LEPR: variants seen among roughly 807,000 people sequenced by gnomAD.
LEPR encodes the protein leptin receptor.
In LEPR, 56 loss-of-function variants were observed where a neutral mutation model predicts 114.7. That is an observed-to-expected ratio of 0.49 (90% CI 0.39 to 0.61). The LOEUF is 0.61. Among genes scored for constraint, LEPR ranks in the 20% least tolerant of loss-of-function variants. The pLI, the probability that LEPR is intolerant of heterozygous loss-of-function variation, is 0.00. For missense variants in LEPR, 1,202 were observed against 1,352.9 expected, an observed-to-expected ratio of 0.89 and a Z score of 1.75; for synonymous variants, 443 against 461.4, an observed-to-expected ratio of 0.96 and a Z score of 0.51.
rs556832881 is a variant in LEPR at position 65,421,304 on chromosome 1, G to A, written c.-97+564G>A. The A allele has an allele frequency of 2.9e-5, 43 of 1,507,850 alleles. No individual in the cohort carries two copies. The Middle Eastern group carries it at 5.1e-4, about 18-fold the overall frequency. The allele number at this position is 1,507,850 out of a possible 1,614,324, so 93.4% of individuals were successfully genotyped here. On this transcript the variant is annotated intron_variant, in intron 1 of 19. Coordinates refer to ENST00000349533, the MANE Select transcript of LEPR (RefSeq NM_002303.6). ...GTGTAATTTTAATACTGCTTTCTTC[G>A]GTGTTTTCTCTGTTTATGGACAGAG...
intron 2 of LEPR, among the ~76,000 whole-genome samples, chr1:65,500,037 A>G (rs7534177): frequency 0.1 from 15,258 of 152,010 alleles, 1,018 homozygotes; most frequent in African/African-American, 0.17. Context: ...CTGCTCTCAT[A>G]ATAGTGAATG....
chr1:65,615,394 ATAT>A (rs960261603), intron 14 of LEPR, among the ~76,000 whole-genome samples: 4 of 152,140 alleles, frequency 2.6e-5, no homozygotes, highest in East Asian at 1.9e-4. Context: ...TAATGACCTG[ATAT>A]TATTATTTTT....
chr1:65,594,872 A>G (rs1655945938), intron 6 of LEPR, among the ~76,000 whole-genome samples: 1 of 152,078 alleles, frequency 6.6e-6, no homozygotes, highest in African/African-American at 2.4e-5. Context: ...ATAAGCATCT[A>G]TGGAGTGCTG....
intron 2 of LEPR, among the ~76,000 whole-genome samples, chr1:65,553,284 C>G (rs1484230192): frequency 6.6e-6 from 1 of 152,160 alleles, no homozygotes; most frequent in Non-Finnish European, 1.5e-5. Context: ...TGGGGAAGTT[C>G]TCCTGGATAA....
At chr1:65,520,631 G>GAC (rs549028572) in intron 2 of LEPR, among the ~76,000 whole-genome samples, 2 of 151,526 alleles carry the variant, frequency 1.3e-5, no homozygotes, top group African/African-American at 2.4e-5. Context: ...AAGAATTAAA[G>GAC]ACACACACAC....
At chr1:65,499,998 T>G (rs1049811838) in intron 2 of LEPR, among the ~76,000 whole-genome samples, 1 of 152,060 alleles carries the variant, frequency 6.6e-6, no homozygotes, top group Non-Finnish European at 1.5e-5. Flanking sequence ...TGGGAAGTGA[T>G]TGGGTCATGG....
At chr1:65,521,360 GC>G (rs1649627003) in intron 2 of LEPR, among the ~76,000 whole-genome samples, 1 of 152,092 alleles carries the variant, frequency 6.6e-6, no homozygotes, top group Non-Finnish European at 1.5e-5. Context: ...TGACTCAAAG[GC>G]CTGACAGAAC....
At chr1:65,437,676 A>G (rs1009130951) in intron 2 of LEPR, among the ~76,000 whole-genome samples, 2 of 152,230 alleles carry the variant, frequency 1.3e-5, no homozygotes, top group Middle Eastern at 3.4e-3. Flanking sequence ...TGTAAGTAGA[A>G]AAAAACTAGG....
intron 5 of LEPR, chr1:65,576,012 T>A (rs1654557806): frequency 1.3e-5 from 2 of 151,534 alleles, no homozygotes; most frequent in Admixed American, 1.3e-4. Context: ...CTCTCCAAGA[T>A]GGCTCTACCA....
chr1:65,501,810 G>T (rs772009319), intron 2 of LEPR, among the ~76,000 whole-genome samples: 5 of 152,082 alleles, frequency 3.3e-5, no homozygotes, highest in Non-Finnish European at 5.9e-5. Context: ...GTCCAAGGAG[G>T]ATATTCGAGA....
chr1:65,499,082 C>A (rs1223685532), intron 2 of LEPR, among the ~76,000 whole-genome samples: 1 of 152,098 alleles, frequency 6.6e-6, no homozygotes, highest in African/African-American at 2.4e-5. Context: ...CCAATGTGCA[C>A]TTGAGTAGCA....
intron 2 of LEPR, chr1:65,435,627 A>G (rs1646552145): frequency 8.5e-6 from 8 of 940,882 alleles, no homozygotes; most frequent in Non-Finnish European, 1.0e-5. Flanking sequence ...TCTGCCTCCC[A>G]AAGTGCTGGG....
At position 65,618,068 on chromosome 1, in the gene LEPR, G is replaced by T. The variant is rs1258602819; in HGVS notation, c.2317G>T (p.Glu773Ter). 2 of 1,612,176 alleles carry T rather than the reference G, an allele frequency of 1.2e-6. No homozygotes were observed. The highest frequency in any genetic ancestry group is 1.7e-6 in the Non-Finnish European group (2 of 1,179,286). The change falls in exon 16 of 20, where the codon GAG becomes TAG. Residue 773 changes from glutamate (E) to a stop codon, truncating the protein, a stop_gained. Coordinates refer to ENST00000349533, the MANE Select transcript of LEPR (RefSeq NM_002303.6). LOFTEE classifies it high-confidence loss of function. Reference protein sequence around the residue: ...SDYKLMYFIIEWKNLNEDGEI... With the variant: ...SDYKLMYFII ...TTACAAGCTAATGTATTTTATTATT[G>T]AGTGGAAAAATCTTAATGAAGATGG...
intron 5 of LEPR, among the ~76,000 whole-genome samples, chr1:65,574,389 A>C (rs1654427460): frequency 6.8e-6 from 1 of 146,982 alleles, no homozygotes; most frequent in South Asian, 2.1e-4. Flanking sequence ...CTAAAACTTA[A>C]AGTATAATAA....
intron 2 of LEPR, among the ~76,000 whole-genome samples, chr1:65,519,751 C>T (rs371949445): frequency 6.6e-6 from 1 of 152,040 alleles, no homozygotes; most frequent in Non-Finnish European, 1.5e-5. Context: ...CTCACTGCAG[C>T]CTTGACTTTT....
intron 2 of LEPR, among the ~76,000 whole-genome samples, chr1:65,553,876 T>C (rs1652613144): frequency 6.6e-6 from 1 of 152,156 alleles, no homozygotes; most frequent in African/African-American, 2.4e-5. Flanking sequence ...TGGTGACCTT[T>C]GAATGGCGTT....
Position 65,633,063 on chromosome 1 carries a change from T to C in LEPR, c.2674-3128T>C, listed in dbSNP as rs767522813. 9.4e-6 allele frequency: 10 copies of C among 1,058,566 alleles called. No individual in the cohort carries two copies. Among genetic ancestry groups the C allele is most frequent in the South Asian group, 2.7e-5 (2 of 75,470 alleles). 65.6% of individuals were successfully genotyped at this position (1,058,566 alleles called of 1,614,324 possible). A position where few individuals can be genotyped will look rare whatever the true frequency, so the allele number is the denominator to read the frequency against. On this transcript the variant is annotated intron_variant, in intron 19 of 19. Coordinates refer to ENST00000349533, the MANE Select transcript of LEPR (RefSeq NM_002303.6). The surrounding 1 kb of genome is among the most constrained non-coding windows in gnomAD (Gnocchi z 4.1). ...AAAATTTATAGTCCAGAACCCATGC[T>C]TGACAATGTTTTTTGAAATCTTTTA...
At chr1:65,424,348 C>T (rs2101676807) in intron 1 of LEPR, among the ~76,000 whole-genome samples, 1 of 152,214 alleles carries the variant, frequency 6.6e-6, no homozygotes, top group South Asian at 2.1e-4. Flanking sequence ...GGAGGCAGTT[C>T]TGGATATAAT....
chr1:65,453,720 T>C (rs1570476834), intron 2 of LEPR, among the ~76,000 whole-genome samples: 1 of 152,206 alleles, frequency 6.6e-6, no homozygotes, highest in Non-Finnish European at 1.5e-5. Flanking sequence ...AATTTTGGAA[T>C]AGGTGTGGTG....
Sources: allele counts gnomAD v4.1 joint callset (sites outside exome capture counted in the v4.1 genomes callset), GRCh38; gene constraint gnomAD v4.1.1; non-coding constraint Gnocchi (gnomAD v3.1); transcripts MANE v1.5; gene names NCBI Gene and HGNC (gene_info 2026-07-23, HGNC 2026-07-21).